SCYL3: variants seen among roughly 807,000 people sequenced by gnomAD.
The protein encoded by SCYL3 is protein-associating with the carboxyl-terminal domain of ezrin.
SCYL3 carries 35 observed loss-of-function variants against 73.8 expected under a neutral mutation model. The ratio of observed to expected loss-of-function variants is 0.47; its 90% CI spans 0.36 to 0.63. The LOEUF is 0.63. SCYL3 is among the 20% of genes least tolerant of loss of function. The pLI is 0.00. For synonymous variants in SCYL3, 277 were observed against 295.2 expected (o/e 0.94, Z 0.63); for missense variants, 712 against 798.9 (o/e 0.89, Z 1.31).
At position 169,859,186 on chromosome 1, in the gene SCYL3, G is replaced by C. The variant is rs17602701; in HGVS notation, c.1167C>G (p.Ser389Arg). 1 of 1,612,652 alleles carries C rather than the reference G, an allele frequency of 6.2e-7. No homozygotes were observed. The highest frequency in any genetic ancestry group is 8.5e-7 in the Non-Finnish European group (1 of 1,179,464). Residue 389 changes from serine to arginine, a missense_variant, in exon 11 of 13, where the codon AGC becomes AGG. Transcript: ENST00000367771. Reference sequence around the variant, plus strand: ...GCAGAGTAATTGCCACAATGGAATCGCTAGTATCACGCAGGCCCAGCAAAA... The same window carrying C: ...GCAGAGTAATTGCCACAATGGAATCCCTAGTATCACGCAGGCCCAGCAAAA... ...PQVLLGLRDT[S>R]DSIVAITLHS...
intron 6 of SCYL3, among the ~76,000 whole-genome samples, chr1:169,869,313 G>C (rs1405555584): frequency 6.6e-6 from 1 of 152,188 alleles, no homozygotes; most frequent in Non-Finnish European, 1.5e-5. Flanking sequence ...CAGGCCCAAA[G>C]AAGAAGGGCT....
chr1:169,887,612 G>T (rs778186267), intron 2 of SCYL3, among the ~76,000 whole-genome samples: 13 of 152,078 alleles, frequency 8.5e-5, no homozygotes, highest in Non-Finnish European at 1.9e-4. Context: ...ACAATACCTA[G>T]ATGATGTAAA....
intron 7 of SCYL3, 97 bp downstream of exon 7, chr1:169,868,831 G>T: frequency 1.4e-6 from 1 of 723,308 alleles, no homozygotes; most frequent in Non-Finnish European, 2.4e-6. Flanking sequence ...TGCATCATTT[G>T]GTCCTCCAAA....
intron 12 of SCYL3, 59 bp from the exon 13 acceptor site, chr1:169,853,831 AC>A (rs1658758384): frequency 1.3e-6 from 2 of 1,586,496 alleles, no homozygotes; most frequent in African/African-American, 1.4e-5. Context: ...CAAAAATCAT[AC>A]GCAAATTTGA....
At position 169,850,667 on chromosome 1, in the gene SCYL3, G is replaced by A. The variant is rs1174878368; in HGVS notation, c.*3046C>T. On this transcript the variant is annotated 3_prime_UTR_variant, in exon 13 of 13. Transcript: ENST00000367771. ...AAAAATTAGCCGGGCATGGTGGTAC[G>A]CGCCTGCAGTCCCAGCTACTCGGGA... 2.0e-5 allele frequency: 4 copies of A among 196,172 alleles called. No individual in the cohort carries two copies. The highest frequency in any genetic ancestry group is 2.3e-5 in the African/African-American group (1 of 42,910). 12.2% of individuals were successfully genotyped at this position (196,172 alleles called of 1,614,324 possible). A position where few individuals can be genotyped will look rare whatever the true frequency, so the allele number is the denominator to read the frequency against.
At chr1:169,881,203 A>G (rs191566856) in intron 2 of SCYL3, among the ~76,000 whole-genome samples, 81 of 152,370 alleles carry the variant, frequency 5.3e-4, no homozygotes, top group African/African-American at 1.9e-3. Context: ...GAGGCTGAAG[A>G]TACCTACATT....
rs114007974 is a variant in SCYL3 at position 169,867,123 on chromosome 1, G to T, written c.738-150C>A. The T allele has an allele frequency of 2.7e-3, 1,529 of 574,596 alleles. 6 individuals carry two copies. The highest frequency in any genetic ancestry group is 4.2e-3 in the Non-Finnish European group (1,343 of 321,318). 35.6% of individuals were successfully genotyped at this position (574,596 alleles called of 1,614,324 possible). ...ATTCTATTACAACTAAGTAGCTTAT[G>T]AGACAAATACTATGGAACACGCCTC... On this transcript the variant is annotated intron_variant, in intron 7 of 12. Coordinates refer to ENST00000367771, the MANE Select transcript of SCYL3 (RefSeq NM_020423.7).
chr1:169,869,672 A>G (rs1365343239), intron 6 of SCYL3, among the ~76,000 whole-genome samples: 2 of 152,220 alleles, frequency 1.3e-5, no homozygotes, highest in Non-Finnish European at 1.5e-5. Context: ...GTGGAAAATT[A>G]AAGTCCTAAA....
chr1:169,890,405 C>G (rs928951083), intron 1 of SCYL3, among the ~76,000 whole-genome samples: 1 of 152,162 alleles, frequency 6.6e-6, no homozygotes, highest in African/African-American at 2.4e-5. Context: ...GCTACAAATA[C>G]GGCCAATAAT....
intron 2 of SCYL3, among the ~76,000 whole-genome samples, chr1:169,879,601 T>C (rs973556945): frequency 3.3e-5 from 5 of 152,182 alleles, no homozygotes; most frequent in African/African-American, 1.2e-4. Context: ...TTCCAAAGGA[T>C]TATAACAGAG....
At chr1:169,880,410 A>T (rs1661159618) in intron 2 of SCYL3, among the ~76,000 whole-genome samples, 1 of 91,022 alleles carries the variant, frequency 1.1e-5, no homozygotes, top group Non-Finnish European at 2.9e-5. Context: ...GAAGCAGCTA[A>T]AGGAAACACA....
At chr1:169,892,105 T>C (rs1662127322) in intron 1 of SCYL3, among the ~76,000 whole-genome samples, 1 of 152,216 alleles carries the variant, frequency 6.6e-6, no homozygotes, top group East Asian at 1.9e-4. Context: ...AGTGGTAAGA[T>C]TATATTGTAT....
rs751713182 is a variant in SCYL3 at position 169,853,719 on chromosome 1, GTTA to G, written c.2058_2060del (p.Asn687del). ...GTTTAACTCACATCTATTGTCACCAGTTATTATCTTCCCAGTTCAGCTCCCCTT... is the reference window on the plus strand; with the variant it reads ...GTTTAACTCACATCTATTGTCACCAGTTATCTTCCCAGTTCAGCTCCCCTT... On this transcript the variant is annotated inframe_deletion, in exon 13 of 13. Coordinates refer to ENST00000367771, the MANE Select transcript of SCYL3 (RefSeq NM_020423.7). The G allele has an allele frequency of 1.9e-6, 3 of 1,613,476 alleles. No homozygotes were observed. The highest frequency in any genetic ancestry group is 2.5e-6 in the Non-Finnish European group (3 of 1,179,774).
chr1:169,851,669 TACTA>T lies in SCYL3; in HGVS notation c.*2040_*2043del. 3.5e-6 allele frequency: 3 copies of T among 858,178 alleles called. No homozygotes were observed. The highest frequency in any genetic ancestry group is 5.4e-6 in the Non-Finnish European group (3 of 551,244). 53.2% of individuals were successfully genotyped at this position (858,178 alleles called of 1,614,324 possible). ...CAGTAGAGTGATTTAATCCAGATTA[TACTA>T]AGAGTATTTATAGATCAGTCCATGT... is the stretch of plus-strand genomic sequence containing the variant. On this transcript the variant is annotated 3_prime_UTR_variant, in exon 13 of 13. Coordinates refer to ENST00000367771, the MANE Select transcript of SCYL3 (RefSeq NM_020423.7).
At chr1:169,878,366 A>G (rs779263181) in intron 3 of SCYL3, among the ~76,000 whole-genome samples, 3 of 152,248 alleles carry the variant, frequency 2.0e-5, no homozygotes, top group Non-Finnish European at 4.4e-5. Context: ...AGAATTATCC[A>G]AAACTAGAGA....
chr1:169,878,996 A>C (rs1385804367), intron 2 of SCYL3, among the ~76,000 whole-genome samples, 177 bp from the exon 3 acceptor site: 1 of 152,204 alleles, frequency 6.6e-6, no homozygotes, highest in Non-Finnish European at 1.5e-5. Flanking sequence ...ACTTGTTCTG[A>C]CATCATTCAA....
rs1476167370 is a variant in SCYL3 at position 169,854,032 on chromosome 1, C to T, written c.2007+238G>A. ...TGACACCAAATCCTTATTTTAATCC[C>T]TTTTTTTTCTTTTTCAAATAAAAAG... On this transcript the variant is annotated intron_variant, in intron 12 of 12. Transcript: ENST00000367771. 2.7e-5 allele frequency: 15 copies of T among 560,602 alleles called. 1 individual carries two copies. Among genetic ancestry groups the T allele is most frequent in the Middle Eastern group, 9.0e-4 (2 of 2,228 alleles). 34.7% of individuals were successfully genotyped at this position (560,602 alleles called of 1,614,324 possible).
At chr1:169,857,597 T>C (rs1240791844) in intron 11 of SCYL3, among the ~76,000 whole-genome samples, 1 of 152,236 alleles carries the variant, frequency 6.6e-6, no homozygotes, top group East Asian at 1.9e-4. Context: ...GAATGAATTA[T>C]ATTCAGTGAA....
chr1:169,862,544 C>G, intron 10 of SCYL3, 69 bp downstream of exon 10: 5 of 1,534,896 alleles, frequency 3.3e-6, no homozygotes, highest in South Asian at 2.3e-5. Flanking sequence ...TGAATACCTC[C>G]AAAACTCTTT....
Sources: allele counts gnomAD v4.1 joint callset (sites outside exome capture counted in the v4.1 genomes callset), GRCh38; gene constraint gnomAD v4.1.1; transcripts MANE v1.5; gene names NCBI Gene and HGNC (gene_info 2026-07-23, HGNC 2026-07-21).